The following ZNHIT6 variants were observed in gnomAD, a reference collection of about 807,000 sequenced individuals.
ZNHIT6 encodes the protein zinc finger HIT-type containing 6.
Under a neutral mutation model 57.2 loss-of-function variants are expected in ZNHIT6, and 45 were observed. The ratio of observed to expected loss-of-function variants is 0.79; its 90% CI spans 0.62 to 1.01. ZNHIT6 has a LOEUF of 1.01. Among genes scored for constraint, ZNHIT6 ranks in the 50% least tolerant of loss-of-function variants. ZNHIT6 has a pLI of 0.00. For synonymous variants in ZNHIT6, 188 were observed against 190.0 expected, an observed-to-expected ratio of 0.99 and a Z score of 0.09; for missense variants, 528 against 567.3, an observed-to-expected ratio of 0.93 and a Z score of 0.70.
chr1:85,676,845 C>T (rs1661718499), intron 8 of ZNHIT6, among the ~76,000 whole-genome samples: 1 of 151,932 alleles, frequency 6.6e-6, no homozygotes, highest in African/African-American at 2.4e-5. Context: ...AACTGTGACA[C>T]ATAGACTTGA....
Position 85,650,882 on chromosome 1 carries a change from G to A in ZNHIT6, c.*3176C>T, listed in dbSNP as rs1050298815. 2 of 152,174 alleles carry A rather than the reference G, an allele frequency of 1.3e-5. No individual in the cohort carries two copies. Among genetic ancestry groups the A allele is most frequent in the African/African-American group, 4.8e-5 (2 of 41,450 alleles). 9.4% of individuals were successfully genotyped at this position (152,174 alleles called of 1,614,324 possible). A position where few individuals can be genotyped will look rare whatever the true frequency, so the allele number is the denominator to read the frequency against. On this transcript the variant is annotated 3_prime_UTR_variant, in exon 10 of 10. Transcript: ENST00000370574. ...TAGTTTATTCATGTGGGATCTATCT[G>A]CCCCCATGACCCAAACACCTTCCAT... is the stretch of plus-strand genomic sequence containing the variant.
intron 5 of ZNHIT6, among the ~76,000 whole-genome samples, chr1:85,686,437 C>T (rs1238243846): frequency 6.6e-6 from 1 of 152,050 alleles, no homozygotes; most frequent in Non-Finnish European, 1.5e-5. Flanking sequence ...GGCTATCTTC[C>T]TAAGAAATGT....
At chr1:85,666,356 T>A (rs1487080102) in intron 8 of ZNHIT6, among the ~76,000 whole-genome samples, 5 of 152,198 alleles carry the variant, frequency 3.3e-5, no homozygotes, top group African/African-American at 1.2e-4. Context: ...GTTTAGTAGA[T>A]TAACATTACG....
intron 9 of ZNHIT6, among the ~76,000 whole-genome samples, chr1:85,655,850 G>A: frequency 6.6e-6 from 1 of 152,090 alleles, no homozygotes; most frequent in Non-Finnish European, 1.5e-5. Flanking sequence ...CTTGGCTACT[G>A]CTGATTAATA....
chr1:85,650,504 A>G lies in ZNHIT6; in HGVS notation c.*3554T>C, dbSNP rs1468974917. On this transcript the variant is annotated 3_prime_UTR_variant, in exon 10 of 10. Transcript: ENST00000370574. ...TATTTTGAGTTTTTGTCACTTGCAT[A>G]TAAACAACACATTTTAATGCAACAG... 2 of 152,248 alleles carry G rather than the reference A, an allele frequency of 1.3e-5. No individual in the cohort carries two copies. Among genetic ancestry groups the G allele is most frequent in the Non-Finnish European group, 2.9e-5 (2 of 68,046 alleles). 9.4% of individuals were successfully genotyped at this position (152,248 alleles called of 1,614,324 possible). A position where few individuals can be genotyped will look rare whatever the true frequency, so the allele number is the denominator to read the frequency against.
intron 8 of ZNHIT6, among the ~76,000 whole-genome samples, chr1:85,658,879 T>TA (rs1162143757): frequency 1.3e-5 from 2 of 151,740 alleles, no homozygotes; most frequent in Non-Finnish European, 2.9e-5. Context: ...CTCAAAAAAA[T>TA]AAAAAAATAA....
intron 8 of ZNHIT6, among the ~76,000 whole-genome samples, chr1:85,674,485 C>G (rs1490544515): frequency 6.6e-6 from 1 of 152,086 alleles, no homozygotes; most frequent in Non-Finnish European, 1.5e-5. Flanking sequence ...TCCTTATAGT[C>G]AACACCACTT....
In ZNHIT6 at chr1:85,655,033, T is replaced by C. The variant is rs571791799; in HGVS notation, c.1373-935A>G. Among the ~76,000 whole-genome samples the C allele has an allele frequency of 4.7e-4, 72 of 152,290 alleles. No homozygotes were observed. The Middle Eastern group carries it at 0.017, about 36-fold the overall frequency. On this transcript the variant is annotated intron_variant, in intron 9 of 9. Coordinates refer to ENST00000370574, the MANE Select transcript of ZNHIT6 (RefSeq NM_017953.4). The stretch of plus-strand genomic sequence containing the variant: ...TTGCTGTTGTACCTAGACTTCAGAT[T>C]GTACCAGCAACCACAATGGTGTTTA...
At chr1:85,702,007 A>G in intron 5 of ZNHIT6, 150 bp downstream of exon 5, 1 of 586,622 alleles carries the variant, frequency 1.7e-6, no homozygotes, top group Non-Finnish European at 3.0e-6. Context: ...GTTACATGAC[A>G]TACAATTACT....
In ZNHIT6 at chr1:85,650,322, G is replaced by GA. The variant is rs765498187; in HGVS notation, c.*3735dup. 1 of 152,140 alleles carries GA rather than the reference G, an allele frequency of 6.6e-6. No homozygotes were observed. The highest frequency in any genetic ancestry group is 1.5e-5 in the Non-Finnish European group (1 of 68,038). The allele number at this position is 152,140 out of a possible 1,614,324, so 9.4% of individuals were successfully genotyped here. On this transcript the variant is annotated 3_prime_UTR_variant, in exon 10 of 10. Coordinates refer to ENST00000370574, the MANE Select transcript of ZNHIT6 (RefSeq NM_017953.4). ...ATCCCATACAGAATATCCCCAAAGG[G>GA]AAAATCTGAAAAGAAAACCAATCCA...
In ZNHIT6 at chr1:85,707,673, C is replaced by T. The variant is rs147416935; in HGVS notation, c.612G>A (p.Pro204=). 4.0e-4 allele frequency: 628 copies of T among 1,570,216 alleles called. 1 individual carries two copies. The highest frequency in any genetic ancestry group is 2.9e-3 in the Middle Eastern group (17 of 5,818). Residue 204 remains proline, a synonymous_variant, in exon 1 of 10, where the codon CCG becomes CCA. Coordinates refer to ENST00000370574, the MANE Select transcript of ZNHIT6 (RefSeq NM_017953.4). ...GCTTGCAGCCCACCGGGTGATTTAT[C>T]GGAGGCTCTTCTTTCACCTTTGTAT... The part of the protein sequence containing the change: ...VDDTKVKEEP[P]INHPVGCKRK...
At position 85,677,289 on chromosome 1, in the gene ZNHIT6, C is replaced by G. The variant is rs755029530; in HGVS notation, c.1194G>C (p.Gln398His). ...RQRLKAYIRS[Q>H]TGVQILMKIE... is the part of the protein sequence containing the mutation. ...TCTTCATTAAAATCTGAACCCCAGT[C>G]TGAGAGCGAATGTAGGCTTTCAACC... The change falls in exon 8 of 10, where the codon CAG becomes CAC. Residue 398 changes from glutamine to histidine, a missense_variant. By Grantham distance (24) the Gln-to-His change is conservative. Coordinates refer to ENST00000370574, the MANE Select transcript of ZNHIT6 (RefSeq NM_017953.4). 10 of 1,608,450 alleles carry G rather than the reference C, an allele frequency of 6.2e-6. No individual in the cohort carries two copies. The South Asian group carries it at 1.1e-4, about 18-fold the overall frequency.
chr1:85,685,673 C>T (rs1662009504), intron 5 of ZNHIT6, among the ~76,000 whole-genome samples: 1 of 151,442 alleles, frequency 6.6e-6, no homozygotes, highest in East Asian at 2.0e-4. Flanking sequence ...ACTTTCTGGG[C>T]TCAAGTGATC....
intron 9 of ZNHIT6, among the ~76,000 whole-genome samples, chr1:85,655,435 T>G (rs1315494226): frequency 6.6e-6 from 1 of 152,182 alleles, no homozygotes; most frequent in Admixed American, 6.5e-5. Context: ...GTAATCAATT[T>G]TGGGTTGGAT....
chr1:85,674,892 TG>T (rs1156297225), intron 8 of ZNHIT6, among the ~76,000 whole-genome samples: 1 of 151,880 alleles, frequency 6.6e-6, no homozygotes, highest in Non-Finnish European at 1.5e-5. Flanking sequence ...TCAGAATTCT[TG>T]GTAATAAAAG....
At chr1:85,694,710 T>C (rs1557867975) in intron 5 of ZNHIT6, among the ~76,000 whole-genome samples, 1 of 152,228 alleles carries the variant, frequency 6.6e-6, no homozygotes, top group East Asian at 1.9e-4. Context: ...TCCGCCCGCC[T>C]TGGCCTCTCA....
chr1:85,678,755 T>C lies in ZNHIT6; in HGVS notation c.1115A>G (p.Glu372Gly), dbSNP rs149609139. Residue 372 changes from glutamate (E) to glycine (G), a missense_variant, in exon 7 of 10, where the codon GAA (glutamate) becomes GGA (glycine). Transcript: ENST00000370574. ...KRVPDDKTIN[E>G]ILKPYIDPEK... The stretch of plus-strand genomic sequence containing the variant: ...AGGATCAATGTAAGGTTTTAGGATT[T>C]CATTAATAGTTTTATCATCTGGTAC... 15 of 1,586,044 alleles carry C rather than the reference T, an allele frequency of 9.5e-6. No individual in the cohort carries two copies. The highest frequency in any genetic ancestry group is 1.2e-5 in the Non-Finnish European group (14 of 1,164,956).
chr1:85,666,431 G>A (rs1325493548), intron 8 of ZNHIT6, among the ~76,000 whole-genome samples: 1 of 152,048 alleles, frequency 6.6e-6, no homozygotes, highest in African/African-American at 2.4e-5. Flanking sequence ...CCTTAACCAA[G>A]AATCAGAATA....
rs922315936 is a variant in ZNHIT6 at position 85,650,119 on chromosome 1, G to A, written c.*3939C>T. The stretch of plus-strand genomic sequence containing the variant: ...CTTCTAAAAATTTCCCCCTCCTTTG[G>A]GTGAATTCCTCTCTTGATTAGCTCA... On this transcript the variant is annotated 3_prime_UTR_variant, in exon 10 of 10. Transcript: ENST00000370574. The A allele has an allele frequency of 2.0e-5, 3 of 152,014 alleles. No homozygotes were observed. Among genetic ancestry groups the A allele is most frequent in the African/African-American group, 7.2e-5 (3 of 41,382 alleles). 9.4% of individuals were successfully genotyped at this position (152,014 alleles called of 1,614,324 possible).
Sources: gnomAD v4.1 joint callset for allele counts (sites outside exome capture counted in the v4.1 genomes callset) on GRCh38, gnomAD v4.1.1 for gene constraint, MANE v1.5 for transcripts, NCBI Gene and HGNC (gene_info 2026-07-23, HGNC 2026-07-21) for gene names.